The following CDH15 variants were observed in gnomAD, a reference collection of about 807,000 sequenced individuals.
The protein encoded by CDH15 is cadherin 15.
Under a neutral mutation model 69.4 loss-of-function variants are expected in CDH15, and 73 were observed. That is an observed-to-expected ratio of 1.05 (90% CI 0.87 to 1.28). The LOEUF (loss-of-function observed/expected upper bound fraction) is 1.28, where lower values mean the gene tolerates loss of function less well. Ranked by LOEUF, CDH15 falls within the 50% of genes most tolerant of loss-of-function variation. The pLI is 0.00. For synonymous variants in CDH15, 624 were observed against 507.7 expected (o/e 1.23, Z -3.08); for missense variants, 1,343 against 1,133.6 (o/e 1.18, Z -2.65).
At chr16:89,192,986 T>A (rs1915688812) in intron 11 of CDH15, among the ~76,000 whole-genome samples, 1 of 78,904 alleles carries the variant, frequency 1.3e-5, no homozygotes, top group Non-Finnish European at 2.5e-5. Flanking sequence ...CCACGCCGCT[T>A]CCACCCAACC....
chr16:89,184,415 G>C (rs1915437852), intron 4 of CDH15, among the ~76,000 whole-genome samples: 2 of 152,192 alleles, frequency 1.3e-5, no homozygotes, highest in African/African-American at 4.8e-5. Context: ...AGAGGGGTCA[G>C]GCCTAAATCT....
Position 89,191,989 on chromosome 16 carries a change from C to G in CDH15, c.1615+95C>G, listed in dbSNP as rs1024720099. The G allele has an allele frequency of 3.1e-6, 4 of 1,308,616 alleles. No homozygotes were observed. The East Asian group carries it at 7.6e-5, about 25-fold the overall frequency. The allele number at this position is 1,308,616 out of a possible 1,614,324, so 81.1% of individuals were successfully genotyped here. ...CGGGGGCAGGAGGGTGAGGGGCATG[C>G]AAACCCGTGGTCCTGCAACAGGTCC... On this transcript the variant is annotated intron_variant, in intron 10 of 13. Transcript: ENST00000289746.
At chr16:89,179,388 C>T in intron 1 of CDH15, 28 bp from the exon 2 acceptor site, 9 of 1,613,150 alleles carry the variant, frequency 5.6e-6, no homozygotes, top group Non-Finnish European at 7.6e-6. Flanking sequence ...GGAGACGGTA[C>T]TGTGGGACGC....
chr16:89,176,791 G>C (rs1915266569), intron 1 of CDH15, among the ~76,000 whole-genome samples: 1 of 139,498 alleles, frequency 7.2e-6, no homozygotes, highest in Non-Finnish European at 1.6e-5. Context: ...TGAAAGGGGA[G>C]CTGAGGAGTT....
chr16:89,180,241 C>T lies in CDH15; in HGVS notation c.243C>T (p.Ser81=). Reference sequence around the variant, plus strand: ...AGCAGCTGGGCAGCGTCATCTACAGCATCCAGGGACCCGGCGTGGATGAGG... The same window carrying T: ...AGCAGCTGGGCAGCGTCATCTACAGTATCCAGGGACCCGGCGTGGATGAGG... ...DKQQLGSVIY[S]IQGPGVDEEP... The change falls in exon 3 of 14, where the codon AGC becomes AGT. Residue 81 remains serine (S), a synonymous_variant. Transcript: ENST00000289746. The T allele has an allele frequency of 6.2e-7, 1 of 1,610,376 alleles. No individual in the cohort carries two copies.
At chr16:89,175,844 A>G (rs939043490) in intron 1 of CDH15, among the ~76,000 whole-genome samples, 11 of 151,998 alleles carry the variant, frequency 7.2e-5, no homozygotes, top group African/African-American at 2.7e-4. Flanking sequence ...AGCGTTTGCT[A>G]CTCTCTGGAC....
Position 89,192,415 on chromosome 16 carries a change from T to G in CDH15, c.1826T>G (p.Ile609Ser). ...GTGLSLGALV[I>S]VLASALLLLV... Reference sequence around the variant, plus strand: ...GGCCTCAGCCTGGGCGCACTGGTCATCGTGCTGGCCAGCGCCCTCCTGCTG... The same window carrying G: ...GGCCTCAGCCTGGGCGCACTGGTCAGCGTGCTGGCCAGCGCCCTCCTGCTG... The change falls in exon 11 of 14, where the codon ATC becomes AGC. Residue 609 changes from isoleucine to serine, a missense_variant. Transcript: ENST00000289746. 1.3e-6 allele frequency: 2 copies of G among 1,547,634 alleles called. No homozygotes were observed. Among genetic ancestry groups the G allele is most frequent in the Non-Finnish European group, 1.7e-6 (2 of 1,153,706 alleles).
chr16:89,190,598 G>A, intron 8 of CDH15, 102 bp downstream of exon 8: 2 of 1,423,096 alleles, frequency 1.4e-6, no homozygotes, highest in Non-Finnish European at 1.9e-6. Context: ...AGGGTGTAGG[G>A]GCCATTTGCT....
rs374380200 is a variant in CDH15, at chr16:89,184,595, C to T, written c.503-578C>T. Among the ~76,000 whole-genome samples the T allele has an allele frequency of 7.1e-4, 108 of 152,308 alleles. 2 individuals carry two copies. In the South Asian group the frequency reaches 0.022, roughly 31 times the overall value. On this transcript the variant is annotated intron_variant, in intron 4 of 13. Transcript: ENST00000289746. ...TCGTGTGTCCTGCACCCAGCCTGCC[C>T]GCGCATCCTCTGTTTTATCCTGCCC...
In CDH15 at chr16:89,185,186, C is replaced by T; in HGVS notation, c.516C>T (p.Thr172=). 6.2e-7 allele frequency: 1 copy of T among 1,601,324 alleles called. No individual in the cohort carries two copies. The highest frequency in any genetic ancestry group is 8.5e-7 in the Non-Finnish European group (1 of 1,174,928). Residue 172 remains threonine, a synonymous_variant, in exon 5 of 14, where the codon ACC becomes ACT. Transcript: ENST00000289746. The part of the protein sequence containing the change: ...LEGAVPGTYV[T]RAEATDADDP... ...TGTGCTTCCCAGGCACCTATGTGACCAGGGCAGAGGCCACAGATGCCGACG... is the reference window on the plus strand; with the variant it reads ...TGTGCTTCCCAGGCACCTATGTGACTAGGGCAGAGGCCACAGATGCCGACG...
At position 89,191,448 on chromosome 16, in the gene CDH15, G is replaced by C; in HGVS notation, c.1351G>C (p.Ala451Pro). ...CTTCCTCAAGGGCGGCTGGTACAGA[G>C]CCATCGTCCTGGCCCAGGATGACGG... The part of the protein sequence containing the change: ...SPFLKGGWYR[A>P]IVLAQDDASQ... The change falls in exon 9 of 14, where the codon GCC (alanine) becomes CCC (proline). Residue 451 changes from alanine to proline, a missense_variant. Ala to Pro is a conservative substitution (Grantham distance 27). Transcript: ENST00000289746. 1 of 1,612,620 alleles carries C rather than the reference G, an allele frequency of 6.2e-7. No homozygotes were observed. Among genetic ancestry groups the C allele is most frequent in the Non-Finnish European group, 8.5e-7 (1 of 1,179,968 alleles).
chr16:89,193,955 C>A (rs1209559505), intron 13 of CDH15, 42 bp downstream of exon 13: 1 of 1,599,240 alleles, frequency 6.3e-7, no homozygotes. Flanking sequence ...CAGGCACGCA[C>A]AGGTGCACAC....
At chr16:89,173,577 G>T (rs1208255689) in intron 1 of CDH15, among the ~76,000 whole-genome samples, 1 of 152,172 alleles carries the variant, frequency 6.6e-6, no homozygotes, top group Non-Finnish European at 1.5e-5. Flanking sequence ...TCCACTGTGA[G>T]GCAAAATATG....
Position 89,192,372 on chromosome 16 carries a change from C to T in CDH15, c.1783C>T (p.Leu595=). The T allele has an allele frequency of 1.3e-6, 2 of 1,538,516 alleles. No individual in the cohort carries two copies. The highest frequency in any genetic ancestry group is 1.7e-6 in the Non-Finnish European group (2 of 1,148,748). The change falls in exon 11 of 14, where the codon CTG becomes TTG. Residue 595 remains leucine, a synonymous_variant. Coordinates refer to ENST00000289746, the MANE Select transcript of CDH15 (RefSeq NM_004933.3). ...CGTCTGCCTGCCGGGGGCCGCAGCG[C>T]TGCTGGCGGGGGGCACAGGCCTCAG... The part of the protein sequence containing the change: ...DGVCLPGAAA[L]LAGGTGLSLG...
intron 7 of CDH15, among the ~76,000 whole-genome samples, chr16:89,189,255 CCACACACATGCCCA>C (rs1433042961): frequency 9.5e-6 from 1 of 105,786 alleles, no homozygotes; most frequent in Non-Finnish European, 2.1e-5. Flanking sequence ...ACACAGATGC[CCACACACATGCCCA>C]CACACAGATG....
chr16:89,190,607 C>G (rs1366388150), intron 8 of CDH15, 111 bp downstream of exon 8: 1 of 1,355,474 alleles, frequency 7.4e-7, no homozygotes, highest in African/African-American at 1.4e-5. Context: ...GGGCCATTTG[C>G]TGTGTGGGTT....
chr16:89,178,986 T>G (rs1361339567), intron 1 of CDH15, among the ~76,000 whole-genome samples: 3 of 152,180 alleles, frequency 2.0e-5, no homozygotes, highest in African/African-American at 4.8e-5. Context: ...TGTGCACCGC[T>G]ACCCTGGCAC....
At position 89,194,909 on chromosome 16, in the gene CDH15, A is replaced by T. The variant is rs772937114; in HGVS notation, c.2199A>T (p.Thr733=). ...DSDPSVPPYD[T]ALIYDYEGDG... is the part of the protein sequence containing the mutation. The stretch of plus-strand genomic sequence containing the variant: ...ACCCCAGTGTGCCGCCTTACGACAC[A>T]GCCCTCATCTATGACTACGAGGGTG... The change falls in exon 14 of 14, where the codon ACA becomes ACT. Residue 733 remains threonine, a synonymous_variant. Transcript: ENST00000289746. 1 of 1,608,106 alleles carries T rather than the reference A, an allele frequency of 6.2e-7. No individual in the cohort carries two copies. The highest frequency in any genetic ancestry group is 2.2e-5 in the East Asian group (1 of 44,842).
intron 3 of CDH15, among the ~76,000 whole-genome samples, chr16:89,180,775 G>A (rs996476053): frequency 6.6e-6 from 1 of 152,136 alleles, no homozygotes; most frequent in African/African-American, 2.4e-5. Flanking sequence ...CCAGGCTGGA[G>A]TGCAGTGGCG....
Sources: gnomAD v4.1 joint callset for allele counts (sites outside exome capture counted in the v4.1 genomes callset) on GRCh38, gnomAD v4.1.1 for gene constraint, MANE v1.5 for transcripts, NCBI Gene and HGNC (gene_info 2026-07-23, HGNC 2026-07-21) for gene names.